BEND6: variants seen among roughly 807,000 people sequenced by gnomAD.
BEND6 encodes the protein BEN domain-containing protein 6.
Under a neutral mutation model 31.8 loss-of-function variants are expected in BEND6, and 24 were observed. The observed-to-expected ratio is 0.75, with a 90% CI of 0.55 to 1.06. The LOEUF (loss-of-function observed/expected upper bound fraction) is 1.06. Among genes scored for constraint, BEND6 ranks in the 50% least tolerant of loss-of-function variants. The probability of loss-of-function intolerance (pLI) is 0.00; values close to 1 mark genes in which losing one functional copy is unlikely to be tolerated. For synonymous variants in BEND6, 109 were observed against 114.6 expected, an observed-to-expected ratio of 0.95 and a Z score of 0.31; for missense variants, 294 against 327.4, an observed-to-expected ratio of 0.90 and a Z score of 0.79.
chr6:57,005,400 G>C (rs995902637), intron 3 of BEND6, among the ~76,000 whole-genome samples: 1 of 152,110 alleles, frequency 6.6e-6, no homozygotes, highest in Non-Finnish European at 1.5e-5. Context: ...TGTGGGCCAC[G>C]CGCAGTGGTC....
rs1455450705 is a variant in BEND6, at chr6:57,017,254, T to C, written c.567T>C (p.Pro189=). The change falls in exon 5 of 7, where the codon CCT becomes CCC. Residue 189 remains proline (P), a synonymous_variant. Transcript: ENST00000370746. The part of the protein sequence containing the change: ...WQIARCNKSK[P]QKFINDLMQV... The stretch of plus-strand genomic sequence containing the variant: ...TTGCCCGTTGTAACAAGAGCAAGCC[T>C]CAGAAGTTTATTAATGATTTAATGC... 1 of 1,562,286 alleles carries C rather than the reference T, an allele frequency of 6.4e-7. No homozygotes were observed. The highest frequency in any genetic ancestry group is 2.5e-5 in the East Asian group (1 of 39,910).
chr6:56,990,249 CTT>C (rs943959318), intron 2 of BEND6, among the ~76,000 whole-genome samples: 5 of 110,156 alleles, frequency 4.5e-5, no homozygotes, highest in Admixed American at 9.3e-5. Flanking sequence ...CCACTCGCTT[CTT>C]TTTTTTTTTT....
In BEND6 at chr6:56,999,900, C is replaced by G. The variant is rs1562550871; in HGVS notation, c.298+7345C>G. On this transcript the variant is annotated intron_variant, in intron 3 of 6. Transcript: ENST00000370746. ...ATTGTCTGGGATGTGAGGAGCGCCTCTGCCCAGCCGCCCCGTCTAGGAAGC... is the reference window on the plus strand; with the variant it reads ...ATTGTCTGGGATGTGAGGAGCGCCTGTGCCCAGCCGCCCCGTCTAGGAAGC... Among the ~76,000 whole-genome samples, 3 of 152,154 alleles carry G rather than the reference C, an allele frequency of 2.0e-5. No individual in the cohort carries two copies. In the East Asian group the frequency reaches 5.8e-4, roughly 29 times the overall value.
intron 3 of BEND6, among the ~76,000 whole-genome samples, chr6:56,994,631 T>C (rs1274402506): frequency 1.3e-5 from 2 of 152,110 alleles, no homozygotes. Flanking sequence ...TCCTTGTTGC[T>C]ATGAGAATTC....
chr6:57,013,950 T>G (rs1827437228), intron 3 of BEND6: 1 of 152,258 alleles, frequency 6.6e-6, no homozygotes, highest in South Asian at 2.1e-4. Flanking sequence ...GCTCTTCTCT[T>G]CACTAACTAT....
chr6:57,001,833 A>G (rs906500245), intron 3 of BEND6, among the ~76,000 whole-genome samples: 1 of 152,244 alleles, frequency 6.6e-6, no homozygotes, highest in Admixed American at 6.5e-5. Context: ...ACCACATGAT[A>G]GAAACTACAA....
At chr6:57,010,822 G>A (rs767750658) in intron 3 of BEND6, 343 of 792,588 alleles carry the variant, frequency 4.3e-4, no homozygotes, top group Admixed American at 6.3e-4. Flanking sequence ...ACTAAGAAAA[G>A]ACTGCTACTT....
intron 2 of BEND6, among the ~76,000 whole-genome samples, chr6:56,982,208 A>G (rs1281056205): frequency 6.6e-6 from 1 of 152,222 alleles, no homozygotes; most frequent in Admixed American, 6.5e-5. Context: ...GGTATAAGCC[A>G]CTGCACCATC....
intron 4 of BEND6, 114 bp downstream of exon 4, chr6:57,015,467 A>G: frequency 9.6e-7 from 1 of 1,045,322 alleles, no homozygotes; most frequent in Middle Eastern, 2.8e-4. Context: ...AAATAGTTTT[A>G]TTCAATAGGA....
intron 3 of BEND6, among the ~76,000 whole-genome samples, chr6:57,000,019 T>C (rs1476547788): frequency 6.0e-5 from 9 of 150,874 alleles, no homozygotes; most frequent in Non-Finnish European, 1.2e-4. Flanking sequence ...TCTGCCCTGC[T>C]GCCCCATCTG....
intron 3 of BEND6, among the ~76,000 whole-genome samples, chr6:56,995,202 A>C (rs371250615): frequency 6.6e-6 from 1 of 151,538 alleles, no homozygotes; most frequent in South Asian, 2.1e-4. Context: ...AGTATCAAAC[A>C]TACTATTATT....
At chr6:56,979,533 C>T (rs1036937573) in intron 1 of BEND6, among the ~76,000 whole-genome samples, 4 of 152,104 alleles carry the variant, frequency 2.6e-5, no homozygotes, top group Non-Finnish European at 5.9e-5. Context: ...AGAGGAAATA[C>T]GTAAAATCTC....
intron 1 of BEND6, among the ~76,000 whole-genome samples, chr6:56,962,588 A>AC (rs1445695869): frequency 1.3e-5 from 2 of 151,784 alleles, no homozygotes; most frequent in Non-Finnish European, 2.9e-5. Flanking sequence ...GGTGCCTCAG[A>AC]CCCCCCTCTG....
At chr6:57,008,104 T>C (rs1827223699) in intron 3 of BEND6, 3 of 692,208 alleles carry the variant, frequency 4.3e-6, no homozygotes, top group South Asian at 3.1e-5. Flanking sequence ...CTAAGTCTGA[T>C]TAAAAGGGCC....
chr6:56,964,128 G>A (rs1825386251), intron 1 of BEND6, among the ~76,000 whole-genome samples: 1 of 151,348 alleles, frequency 6.6e-6, no homozygotes, highest in Admixed American at 6.6e-5. Context: ...CAGATGGAGA[G>A]ACAGAAGCAC....
intron 3 of BEND6, among the ~76,000 whole-genome samples, chr6:57,005,103 G>A (rs1827105646): frequency 1.3e-5 from 2 of 152,068 alleles, no homozygotes; most frequent in Non-Finnish European, 2.9e-5. Context: ...GCAAGAACTA[G>A]GACAGAGGAC....
chr6:57,007,564 T>A (rs1388808881), intron 3 of BEND6, among the ~76,000 whole-genome samples: 1 of 151,196 alleles, frequency 6.6e-6, no homozygotes, highest in African/African-American at 2.4e-5. Context: ...GACTAGAGGA[T>A]CACTTGAGGC....
intron 2 of BEND6, among the ~76,000 whole-genome samples, chr6:56,985,517 T>TA (rs1211260689): frequency 1.3e-5 from 2 of 152,090 alleles, no homozygotes; most frequent in Non-Finnish European, 2.9e-5. Context: ...AGAAGGAGAA[T>TA]ACAGGCAGAA....
intron 1 of BEND6, among the ~76,000 whole-genome samples, chr6:56,958,742 G>A (rs1825183585): frequency 6.6e-6 from 1 of 152,216 alleles, no homozygotes; most frequent in Admixed American, 6.5e-5. Context: ...AGTGGTCGAA[G>A]CCAAGTAGGG....
Sources: allele counts gnomAD v4.1 joint callset (sites outside exome capture counted in the v4.1 genomes callset), GRCh38; gene constraint gnomAD v4.1.1; transcripts MANE v1.5; gene names NCBI Gene and HGNC (gene_info 2026-07-23, HGNC 2026-07-21).